The following CTTNBP2 variants were observed in gnomAD, a reference collection of about 807,000 sequenced individuals.
The protein encoded by CTTNBP2 is cortactin-binding protein 2.
CTTNBP2 carries 108 observed loss-of-function variants against 156.9 expected under a neutral mutation model. The ratio of observed to expected loss-of-function variants is 0.69; its 90% CI spans 0.59 to 0.81. The LOEUF is 0.81. Ranked by LOEUF, CTTNBP2 falls within the 30% of genes least tolerant of loss-of-function variation. CTTNBP2 has a pLI of 0.00. For missense variants in CTTNBP2, 1,924 were observed against 2,035.4 expected (o/e 0.95, Z 1.05); for synonymous variants, 767 against 751.8 (o/e 1.02, Z -0.33).
At chr7:117,853,720 A>G (rs1167177837) in intron 2 of CTTNBP2, among the ~76,000 whole-genome samples, 1 of 152,184 alleles carries the variant, frequency 6.6e-6, no homozygotes, top group Non-Finnish European at 1.5e-5. Context: ...ACCAGAACGG[A>G]TCAAATGGTA....
rs571818460 is a variant in CTTNBP2, at chr7:117,748,680, C to T, written c.3349-2581G>A. On this transcript the variant is annotated intron_variant, in intron 12 of 22. Transcript: ENST00000160373. ...CTAACACTTTTCCTTGTAATCTAAGCCCAGACTCTACTATGACTTTCTTGC... is the reference window on the plus strand; with the variant it reads ...CTAACACTTTTCCTTGTAATCTAAGTCCAGACTCTACTATGACTTTCTTGC... Among the ~76,000 whole-genome samples, 22 of 152,344 alleles carry T rather than the reference C, an allele frequency of 1.4e-4. No individual in the cohort carries two copies. In the South Asian group the frequency reaches 4.6e-3, roughly 32 times the overall value.
At chr7:117,819,356 TTCTCTC>T (rs144262146) in intron 2 of CTTNBP2, among the ~76,000 whole-genome samples, 2 of 127,072 alleles carry the variant, frequency 1.6e-5, no homozygotes, top group African/African-American at 6.5e-5. Flanking sequence ...TCTTTTCTCC[TTCTCTC>T]TCTCTCACAC....
chr7:117,802,143 T>C (rs13240125), intron 3 of CTTNBP2, among the ~76,000 whole-genome samples: 2 of 145,194 alleles, frequency 1.4e-5, no homozygotes, highest in African/African-American at 5.1e-5. Context: ...CACCTATGAG[T>C]GAGAATATGC....
intron 1 of CTTNBP2, among the ~76,000 whole-genome samples, chr7:117,865,671 C>CAAAAAAAAAAAAAA (rs61533705): frequency 3.1e-4 from 23 of 74,374 alleles, no homozygotes; most frequent in African/African-American, 4.7e-4. Flanking sequence ...ACTCCATCTC[C>CAAAAAAAAAAAAAA]AAAAAAAAAA....
At chr7:117,857,406 T>A (rs924497142) in intron 2 of CTTNBP2, among the ~76,000 whole-genome samples, 1 of 152,162 alleles carries the variant, frequency 6.6e-6, no homozygotes, top group Non-Finnish European at 1.5e-5. Context: ...ATCCTCCCCA[T>A]CCAAAATTAT....
intron 2 of CTTNBP2, among the ~76,000 whole-genome samples, chr7:117,834,096 C>A (rs369866077): frequency 1.3e-5 from 2 of 151,162 alleles, no homozygotes; most frequent in Admixed American, 6.6e-5. Context: ...CCATTGCTGC[C>A]CAGGCTGGAG....
chr7:117,771,268 G>T (rs963450730), intron 8 of CTTNBP2, among the ~76,000 whole-genome samples: 4 of 152,132 alleles, frequency 2.6e-5, no homozygotes, highest in African/African-American at 9.7e-5. Context: ...AAAAATCAAA[G>T]TCAGAGCAGG....
At chr7:117,820,959 AAT>A (rs1310504907) in intron 2 of CTTNBP2, among the ~76,000 whole-genome samples, 1 of 152,126 alleles carries the variant, frequency 6.6e-6, no homozygotes, top group African/African-American at 2.4e-5. Context: ...CTTTGTTTTG[AAT>A]ATATTTTGTT....
At chr7:117,848,911 T>C (rs2117179628) in intron 2 of CTTNBP2, among the ~76,000 whole-genome samples, 1 of 152,350 alleles carries the variant, frequency 6.6e-6, no homozygotes, top group South Asian at 2.1e-4. Context: ...GTAATAGCAA[T>C]CAGTCGATTG....
intron 2 of CTTNBP2, among the ~76,000 whole-genome samples, chr7:117,843,310 A>T (rs758414510): frequency 7.9e-5 from 12 of 152,216 alleles, no homozygotes; most frequent in Non-Finnish European, 1.3e-4. Flanking sequence ...GGATGACTAC[A>T]TATCAGATAT....
At chr7:117,760,792 T>A in intron 9 of CTTNBP2, 82 bp from the exon 10 acceptor site, 1 of 900,840 alleles carries the variant, frequency 1.1e-6, no homozygotes, top group Non-Finnish European at 1.7e-6. Context: ...AATAAGCAGA[T>A]ATAAACATTT....
intron 2 of CTTNBP2, among the ~76,000 whole-genome samples, chr7:117,850,597 G>C (rs921553884): frequency 6.6e-6 from 1 of 152,160 alleles, no homozygotes; most frequent in Admixed American, 6.5e-5. Flanking sequence ...GGAAACCTAA[G>C]TAGGTGGGGA....
chr7:117,841,152 A>G (rs541846279), intron 2 of CTTNBP2, among the ~76,000 whole-genome samples: 2 of 152,210 alleles, frequency 1.3e-5, no homozygotes. Context: ...ATTGTTTTGT[A>G]GTTCTGCAAA....
At chr7:117,711,953 A>T (rs1282920806) in intron 22 of CTTNBP2, among the ~76,000 whole-genome samples, 171 bp from the exon 23 acceptor site, 1 of 152,190 alleles carries the variant, frequency 6.6e-6, no homozygotes, top group Non-Finnish European at 1.5e-5. Context: ...TTTCCTATAG[A>T]CTTACTGCAT....
intron 10 of CTTNBP2, among the ~76,000 whole-genome samples, chr7:117,759,600 C>T (rs1043773189): frequency 3.9e-5 from 6 of 152,168 alleles, no homozygotes; most frequent in Non-Finnish European, 7.3e-5. Context: ...TTCCCTCAAC[C>T]TTGGACCTTT....
At chr7:117,816,968 T>A (rs201562507) in intron 2 of CTTNBP2, among the ~76,000 whole-genome samples, 1 of 152,112 alleles carries the variant, frequency 6.6e-6, no homozygotes, top group South Asian at 2.1e-4. Context: ...TGAGTCATTA[T>A]GAAGACATAA....
chr7:117,786,008 T>G (rs1034245784), intron 4 of CTTNBP2, among the ~76,000 whole-genome samples: 1 of 152,220 alleles, frequency 6.6e-6, no homozygotes, highest in African/African-American at 2.4e-5. Context: ...TCTAAGCATA[T>G]GAGAGTCATA....
Position 117,791,692 on chromosome 7 carries a change from G to GGCTTGTAAATCTTGACAGT in CTTNBP2, c.1485_1503dup (p.Pro502ThrfsTer43). On this transcript the variant is annotated frameshift_variant, in exon 4 of 23. Transcript: ENST00000160373. LOFTEE classifies it high-confidence loss of function. ...GGCCTTGAGGGAGCACCTGCTTGAG[G>GGCTTGTAAATCTTGACAGT]GCTTGTAAATCTTGACAGTGCTTGG... The GGCTTGTAAATCTTGACAGT allele has an allele frequency of 6.2e-7, 1 of 1,614,164 alleles. No homozygotes were observed. The highest frequency in any genetic ancestry group is 8.5e-7 in the Non-Finnish European group (1 of 1,180,044).
Position 117,745,881 on chromosome 7 carries a change from A to C in CTTNBP2, c.3485T>G (p.Val1162Gly). 25 of 1,614,112 alleles carry C rather than the reference A, an allele frequency of 1.5e-5. No individual in the cohort carries two copies. Among genetic ancestry groups the C allele is most frequent in the Non-Finnish European group, 2.1e-5 (25 of 1,179,976 alleles). ...CTGTTCCTTGGAAAAACCAGCATCT[A>C]CTTCAGCTCTCACTATTTCACAGGA... ...GFSCEIVRAE[V>G]DAGFSKEQLL... Residue 1162 changes from valine to glycine, a missense_variant, in exon 14 of 23, where the codon GTA becomes GGA. Physicochemically the swap from Val to Gly is moderately radical, Grantham distance 109. Coordinates refer to ENST00000160373, the MANE Select transcript of CTTNBP2 (RefSeq NM_033427.3).
Sources: gnomAD v4.1 joint callset for allele counts (sites outside exome capture counted in the v4.1 genomes callset) on GRCh38, gnomAD v4.1.1 for gene constraint, MANE v1.5 for transcripts, NCBI Gene and HGNC (gene_info 2026-07-23, HGNC 2026-07-21) for gene names.